MYOF: variants seen among roughly 807,000 people sequenced by gnomAD.
MYOF encodes the protein myoferlin.
Under a neutral mutation model 284.2 loss-of-function variants are expected in MYOF, and 244 were observed. The observed-to-expected ratio is 0.86, with a 90% confidence interval of 0.77 to 0.95. The LOEUF is 0.95. Among genes scored for constraint, MYOF ranks in the 40% least tolerant of loss-of-function variants. The pLI is 0.00. For synonymous variants in MYOF, 904 were observed against 919.7 expected, an observed-to-expected ratio of 0.98 and a Z score of 0.31; for missense variants, 2,496 against 2,560.6, an observed-to-expected ratio of 0.97 and a Z score of 0.54.
intron 48 of MYOF, among the ~76,000 whole-genome samples, chr10:93,322,459 A>G (rs1341042708): frequency 1.3e-5 from 2 of 152,208 alleles, no homozygotes; most frequent in Non-Finnish European, 2.9e-5. Flanking sequence ...TGTAGTCGCT[A>G]TGCTGTACTG....
chr10:93,419,377 G>A (rs925581114), intron 5 of MYOF, among the ~76,000 whole-genome samples: 4 of 151,844 alleles, frequency 2.6e-5, no homozygotes, highest in African/African-American at 9.7e-5. Flanking sequence ...TGGTCAGGCT[G>A]GTCTCGAACT....
intron 19 of MYOF, among the ~76,000 whole-genome samples, chr10:93,381,738 A>G (rs1589473416): frequency 6.6e-6 from 1 of 152,306 alleles, no homozygotes; most frequent in South Asian, 2.1e-4. Flanking sequence ...AACCATGAAA[A>G]AAGAGTATAT....
At chr10:93,422,072 G>C (rs1007371204) in intron 5 of MYOF, among the ~76,000 whole-genome samples, 6 of 151,828 alleles carry the variant, frequency 4.0e-5, no homozygotes, top group Admixed American at 1.3e-4. Context: ...CAAAGAGCCC[G>C]GTTTATTTTT....
intron 52 of MYOF, 138 bp from the exon 53 acceptor site, chr10:93,310,305 G>C: frequency 2.5e-6 from 3 of 1,194,932 alleles, no homozygotes; most frequent in South Asian, 3.1e-5. Flanking sequence ...CGTTGACTGA[G>C]AAAGGCTCTT....
rs776010783 is a variant in MYOF at position 93,364,034 on chromosome 10, T to C, written c.2795A>G (p.Asp932Gly). 3 of 1,614,204 alleles carry C rather than the reference T, an allele frequency of 1.9e-6. No individual in the cohort carries two copies. Among genetic ancestry groups the C allele is most frequent in the Non-Finnish European group, 2.5e-6 (3 of 1,180,036 alleles). The change falls in exon 27 of 54, where the codon GAT (aspartate) becomes GGT (glycine). Residue 932 changes from aspartate (D) to glycine (G), a missense_variant. Coordinates refer to ENST00000359263, the MANE Select transcript of MYOF (RefSeq NM_013451.4). ...EADAGHTEFT[D>G]EVYQNESRYP... is the part of the protein sequence containing the mutation. ...GCGGCTCTCGTTCTGATAGACTTCA[T>C]CAGTGAACTCCGTGTGACCTGCATC...
chr10:93,337,826 A>G lies in MYOF; in HGVS notation c.4426T>C (p.Ser1476Pro), dbSNP rs1843686456. The G allele has an allele frequency of 2.5e-6, 4 of 1,613,874 alleles. No individual in the cohort carries two copies. Among genetic ancestry groups the G allele is most frequent in the Non-Finnish European group, 3.4e-6 (4 of 1,179,828 alleles). Residue 1476 changes from serine to proline, a missense_variant, in exon 40 of 54, where the codon TCC (serine) becomes CCC (proline). Ser to Pro is a moderately conservative substitution (Grantham distance 74, BLOSUM62 -1). Coordinates refer to ENST00000359263, the MANE Select transcript of MYOF (RefSeq NM_013451.4). ...KCGQYIQKGY[S>P]KLKIYNCELE... ...ATAGATCCAGGTACCTTGAGCTTGG[A>G]ATAGCCTTTCTGAATATACTGTCCG...
intron 5 of MYOF, among the ~76,000 whole-genome samples, chr10:93,411,652 G>T (rs1023487952): frequency 2.0e-5 from 3 of 152,208 alleles, no homozygotes; most frequent in African/African-American, 4.8e-5. Context: ...AAGTGAGGAA[G>T]AGGCAGCCAC....
At position 93,419,249 on chromosome 10, in the gene MYOF, G is replaced by A. The variant is rs932351862; in HGVS notation, c.433+6822C>T. On this transcript the variant is annotated intron_variant, in intron 5 of 53. Coordinates refer to ENST00000359263, the MANE Select transcript of MYOF (RefSeq NM_013451.4). Reference sequence around the variant, plus strand: ...GCAATCTCGGCTCACTGCAACCTCCGCCTCCTGGGTTCAAGCAGTTCTGCT... The same window carrying A: ...GCAATCTCGGCTCACTGCAACCTCCACCTCCTGGGTTCAAGCAGTTCTGCT... 3.3e-5 allele frequency among the ~76,000 whole-genome samples: 5 copies of A among 151,922 alleles called. No individual in the cohort carries two copies. In the East Asian group the frequency reaches 5.8e-4, roughly 18 times the overall value.
intron 1 of MYOF, among the ~76,000 whole-genome samples, chr10:93,471,724 A>G (rs898627313): frequency 3.3e-5 from 5 of 152,082 alleles, no homozygotes; most frequent in Admixed American, 6.6e-5. Flanking sequence ...CCCCTTCTCT[A>G]CTAAAAATAC....
chr10:93,337,488 G>T, intron 40 of MYOF: 1 of 269,292 alleles, frequency 3.7e-6, no homozygotes, highest in Non-Finnish European at 7.0e-6. Flanking sequence ...TCTGCAAAGA[G>T]CACTATGACT....
chr10:93,355,261 A>G (rs1353168698), intron 31 of MYOF, among the ~76,000 whole-genome samples: 2 of 152,266 alleles, frequency 1.3e-5, no homozygotes, highest in Non-Finnish European at 2.9e-5. Context: ...TTTCCTTAAG[A>G]TAAGAGTTAC....
In MYOF at chr10:93,328,619, G is replaced by C. The variant is rs1014781201; in HGVS notation, c.5131+144C>G. 4 of 758,436 alleles carry C rather than the reference G, an allele frequency of 5.3e-6. No homozygotes were observed. The African/African-American group carries it at 6.8e-5, about 13-fold the overall frequency. 47.0% of individuals were successfully genotyped at this position (758,436 alleles called of 1,614,324 possible). A position where few individuals can be genotyped will look rare whatever the true frequency, so the allele number is the denominator to read the frequency against. ...ACACTTGACAAGACAGCAGAACTCT[G>C]ACGTGGCTGTTGTTAGTGTCACGTG... On this transcript the variant is annotated intron_variant, in intron 45 of 53. Coordinates refer to ENST00000359263, the MANE Select transcript of MYOF (RefSeq NM_013451.4).
intron 26 of MYOF, 29 bp from the exon 27 acceptor site, chr10:93,364,104 C>CGGTCTCCTTGGGT: frequency 6.3e-7 from 1 of 1,598,672 alleles, no homozygotes. Context: ...TCAAGTTACC[C>CGGTCTCCTTGGGT]AAGGAGACCG....
intron 16 of MYOF, 114 bp downstream of exon 16, chr10:93,396,027 AT>A (rs1846988616): frequency 1.5e-6 from 1 of 682,318 alleles, no homozygotes; most frequent in African/African-American, 1.8e-5. Context: ...GGTTCATCAC[AT>A]TTGGCTTCTA....
chr10:93,333,916 AAAAG>A lies in MYOF; in HGVS notation c.4564-7_4564-4del, dbSNP rs1564626535. 6.2e-7 allele frequency: 1 copy of A among 1,613,560 alleles called. No homozygotes were observed. Among genetic ancestry groups the A allele is most frequent in the African/African-American group, 1.3e-5 (1 of 75,014 alleles). On this transcript the variant is annotated splice_region_variant and splice_polypyrimidine_tract_variant and intron_variant, in intron 41 of 53. Transcript: ENST00000359263. ...AGAGGGTAGATCCGAAAGGAGCCCT[AAAAG>A]AGAGAGACAGAAGGACTCACAGGGC... is the stretch of plus-strand genomic sequence containing the variant.
intron 16 of MYOF, 31 bp downstream of exon 16, chr10:93,396,111 A>T (rs879029172): frequency 6.5e-7 from 1 of 1,526,786 alleles, no homozygotes; most frequent in South Asian, 1.2e-5. Flanking sequence ...TTCTGTATCC[A>T]GTCTTGTTCT....
chr10:93,429,033 C>T (rs1341546247), intron 4 of MYOF, among the ~76,000 whole-genome samples: 2 of 152,188 alleles, frequency 1.3e-5, no homozygotes, highest in African/African-American at 2.4e-5. Flanking sequence ...CTCCAAATCT[C>T]ATGTTGAAAT....
chr10:93,312,219 T>A (rs1001463232), intron 51 of MYOF, among the ~76,000 whole-genome samples: 4 of 152,264 alleles, frequency 2.6e-5, no homozygotes, highest in African/African-American at 9.6e-5. Flanking sequence ...TTTCGTGATA[T>A]GGCATGGTAA....
chr10:93,440,972 C>T (rs984853185), intron 3 of MYOF, among the ~76,000 whole-genome samples: 2 of 152,202 alleles, frequency 1.3e-5, no homozygotes, highest in African/African-American at 2.4e-5. Flanking sequence ...CCCAAACCAG[C>T]TCAGATCATT....
Sources: gnomAD v4.1 joint callset for allele counts (sites outside exome capture counted in the v4.1 genomes callset) on GRCh38, gnomAD v4.1.1 for gene constraint, MANE v1.5 for transcripts, NCBI Gene and HGNC (gene_info 2026-07-23, HGNC 2026-07-21) for gene names.